Variants in CALD1 observed in about 807,000 individuals in gnomAD.
The protein encoded by CALD1 is caldesmon.
A neutral mutation model predicts 99.9 loss-of-function variants in CALD1; 33 were observed. That is an observed-to-expected ratio of 0.33 (90% CI 0.25 to 0.44). The LOEUF (loss-of-function observed/expected upper bound fraction) is 0.44, where lower values mean the gene tolerates loss of function less well. CALD1 is among the 20% of genes least tolerant of loss of function. CALD1 has a pLI of 1.00. For synonymous variants in CALD1, 310 were observed against 325.0 expected (o/e 0.95, Z 0.50); for missense variants, 861 against 962.1 (o/e 0.89, Z 1.39).
At chr7:134,857,261 C>T (rs1043135204) in intron 2 of CALD1, among the ~76,000 whole-genome samples, 3 of 150,018 alleles carry the variant, frequency 2.0e-5, no homozygotes, top group African/African-American at 2.5e-5. Flanking sequence ...CTCCGCCTCC[C>T]GGGTTCACGC....
At chr7:134,743,631 A>G (rs1369438013), upstream of CALD1, among the ~76,000 whole-genome samples, 1 of 152,254 alleles carries the variant, frequency 6.6e-6, no homozygotes, top group Non-Finnish European at 1.5e-5. Context: ...TGAAAGAGAC[A>G]TAAGCAGCAT....
intron 3 of CALD1, among the ~76,000 whole-genome samples, chr7:134,880,512 G>A (rs1000003157): frequency 5.3e-5 from 8 of 152,208 alleles, no homozygotes; most frequent in African/African-American, 1.9e-4. Flanking sequence ...TAATCACACT[G>A]CATCTTTCCC....
At chr7:134,881,871 G>A (rs189664591) in intron 3 of CALD1, among the ~76,000 whole-genome samples, 1 of 152,290 alleles carries the variant, frequency 6.6e-6, no homozygotes, top group East Asian at 1.9e-4. Flanking sequence ...CTCTAGTTGT[G>A]AATTGAGGAG....
intron 1 of CALD1, among the ~76,000 whole-genome samples, chr7:134,814,519 G>T (rs999527893): frequency 1.3e-5 from 2 of 152,164 alleles, no homozygotes; most frequent in Admixed American, 6.6e-5. Context: ...TTCCTTCCAA[G>T]AACACACAGA....
chr7:134,863,938 G>A (rs1342102565), intron 2 of CALD1, among the ~76,000 whole-genome samples: 1 of 152,146 alleles, frequency 6.6e-6, no homozygotes, highest in Admixed American at 6.5e-5. Flanking sequence ...AAAAAAGCAA[G>A]GAGGAAGGAA....
intron 1 of CALD1, among the ~76,000 whole-genome samples, chr7:134,842,419 GTTA>G (rs1015110938): frequency 3.3e-5 from 5 of 152,228 alleles, no homozygotes; most frequent in South Asian, 2.1e-4. Flanking sequence ...ACAAACAATA[GTTA>G]TTATTATTAT....
At position 134,941,161 on chromosome 7, in the gene CALD1, A is replaced by C; in HGVS notation, c.1456A>C (p.Lys486Gln). 1 of 1,613,042 alleles carries C rather than the reference A, an allele frequency of 6.2e-7. No individual in the cohort carries two copies. The highest frequency in any genetic ancestry group is 8.5e-7 in the Non-Finnish European group (1 of 1,179,326). The stretch of plus-strand genomic sequence containing the variant: ...AGTTAAGAGCTTCATGGATCGAAAG[A>C]AGGGATTTACAGAAGTTAAGTCGCA... ...EEVKSFMDRKKGFTEVKSQNG... is the reference protein window; with the variant it reads ...EEVKSFMDRKQGFTEVKSQNG... Residue 486 changes from lysine (K) to glutamine (Q), a missense_variant, in exon 7 of 15, where the codon AAG (lysine) becomes CAG (glutamine). Around this residue, in one of 5 missense-constraint regions of CALD1, gnomAD observed 293 missense variants for 262.7 expected, o/e 1.12. Coordinates refer to ENST00000361675, the MANE Select transcript of CALD1 (RefSeq NM_033138.4).
At chr7:134,763,056 C>T (rs949417550) in intron 1 of CALD1, among the ~76,000 whole-genome samples, 2 of 152,162 alleles carry the variant, frequency 1.3e-5, no homozygotes, top group Non-Finnish European at 2.9e-5. Context: ...CTCTATCTAC[C>T]TATTATCTAT....
chr7:134,856,250 A>C (rs566829965), intron 2 of CALD1, among the ~76,000 whole-genome samples: 152 of 152,278 alleles, frequency 1.0e-3, no homozygotes, highest in African/African-American at 3.5e-3. Flanking sequence ...TTAAAGTCTA[A>C]AGTGGCACCG....
the CALD1 span, among the ~76,000 whole-genome samples, chr7:134,735,678 C>G: frequency 6.6e-6 from 1 of 151,386 alleles, no homozygotes; most frequent in South Asian, 2.1e-4. Context: ...TATGAGGTTT[C>G]TAGTATTGCT....
intron 9 of CALD1, among the ~76,000 whole-genome samples, chr7:134,952,255 C>T (rs1369989538): frequency 6.6e-6 from 1 of 151,824 alleles, no homozygotes; most frequent in Admixed American, 6.6e-5. Context: ...GAGCCGAGAT[C>T]GTGCCACTGC....
At position 134,958,491 on chromosome 7, in the gene CALD1, G is replaced by A. The variant is rs149897796; in HGVS notation, c.2061+201G>A. 1.7e-3 allele frequency among the ~76,000 whole-genome samples: 249 copies of A among 146,876 alleles called. 2 individuals carry two copies. The highest frequency in any genetic ancestry group is 6.0e-3 in the African/African-American group (235 of 39,492). On this transcript the variant is annotated intron_variant, in intron 11 of 14. Coordinates refer to ENST00000361675, the MANE Select transcript of CALD1 (RefSeq NM_033138.4). ...AATGGCAATCTCAGCTCACTGCAAC[G>A]TCTGCCTCCTGGGGTCAAGCAATTC... is the stretch of plus-strand genomic sequence containing the variant.
At chr7:134,960,706 T>C in intron 13 of CALD1, 78 bp downstream of exon 13, 2 of 877,526 alleles carry the variant, frequency 2.3e-6, no homozygotes, top group Middle Eastern at 2.2e-4. Flanking sequence ...AGTTGGTCTG[T>C]TTACCTAGGA....
chr7:134,951,455 T>G (rs1031436847), intron 9 of CALD1, among the ~76,000 whole-genome samples: 10 of 152,244 alleles, frequency 6.6e-5, no homozygotes, highest in African/African-American at 2.4e-4. Context: ...ATTTATAAAA[T>G]AGGAAAGTAT....
chr7:134,807,585 T>C (rs575676293), intron 1 of CALD1, among the ~76,000 whole-genome samples: 1 of 152,242 alleles, frequency 6.6e-6, no homozygotes, highest in African/African-American at 2.4e-5. Flanking sequence ...TGGGGGAGCA[T>C]GAAGAGGGTG....
chr7:134,855,287 G>A (rs955189105), intron 2 of CALD1, among the ~76,000 whole-genome samples: 3 of 152,160 alleles, frequency 2.0e-5, no homozygotes, highest in East Asian at 1.9e-4. Context: ...TCTTTCTGGT[G>A]ATCAAGCACA....
intron 1 of CALD1, among the ~76,000 whole-genome samples, chr7:134,812,427 G>A (rs1798385942): frequency 6.6e-6 from 1 of 152,136 alleles, no homozygotes; most frequent in Non-Finnish European, 1.5e-5. Flanking sequence ...TGTGTGTGCT[G>A]TTTCCAAGGA....
chr7:134,908,233 T>C (rs1408909599), intron 3 of CALD1, among the ~76,000 whole-genome samples: 2 of 152,200 alleles, frequency 1.3e-5, no homozygotes, highest in Non-Finnish European at 2.9e-5. Flanking sequence ...ACAAGGGATA[T>C]ACCATTGGAT....
intron 8 of CALD1, among the ~76,000 whole-genome samples, chr7:134,948,616 C>T (rs1807098147): frequency 1.3e-5 from 2 of 152,034 alleles, no homozygotes; most frequent in Non-Finnish European, 1.5e-5. Context: ...AAGGAGACCC[C>T]GCTTTTCCAA....
Sources: gnomAD v4.1 joint callset for allele counts (sites outside exome capture counted in the v4.1 genomes callset) on GRCh38, gnomAD v4.1.1 for gene constraint, gnomAD v4.1.1 regional missense constraint, MANE v1.5 for transcripts, NCBI Gene and HGNC (gene_info 2026-07-23, HGNC 2026-07-21) for gene names.